Variants in SEPTIN7 observed in about 807,000 individuals in gnomAD.
SEPTIN7 encodes the protein septin-7.
Under a neutral mutation model 63.3 loss-of-function variants are expected in SEPTIN7, and 10 were observed. The ratio of observed to expected loss-of-function variants is 0.16; its 90% CI spans 0.10 to 0.27. The LOEUF (loss-of-function observed/expected upper bound fraction) is 0.27, where lower values mean the gene tolerates loss of function less well. SEPTIN7 is among the 10% of genes least tolerant of loss of function. SEPTIN7 has a pLI of 1.00. For missense variants in SEPTIN7, 310 were observed against 521.0 expected, an observed-to-expected ratio of 0.59 and a Z score of 3.94; for synonymous variants, 131 against 165.3, an observed-to-expected ratio of 0.79 and a Z score of 1.59.
At chr7:35,876,619 T>G (rs560750264) in intron 6 of SEPTIN7, among the ~76,000 whole-genome samples, 10 of 152,260 alleles carry the variant, frequency 6.6e-5, no homozygotes, top group Non-Finnish European at 1.0e-4. Flanking sequence ...GGAGGACCAT[T>G]GCTTGAGGCC....
chr7:35,856,686 G>A (rs9690709), intron 3 of SEPTIN7, among the ~76,000 whole-genome samples: 49,499 of 151,960 alleles, frequency 0.33, 8,300 homozygotes, highest in East Asian at 0.4. Flanking sequence ...GCTCTTTGAG[G>A]ATCATTTCCC....
rs542304549 is a variant in SEPTIN7 at position 35,874,226 on chromosome 7, A to G, written c.512+451A>G. 7.0e-5 allele frequency: 11 copies of G among 157,088 alleles called. No individual in the cohort carries two copies. The South Asian group carries it at 2.1e-3, about 30-fold the overall frequency. The allele number at this position is 157,088 out of a possible 1,614,324, so 9.7% of individuals were successfully genotyped here. A position where few individuals can be genotyped will look rare whatever the true frequency, so the allele number is the denominator to read the frequency against. Reference sequence around the variant, plus strand: ...ATGTTTTCTTGTGCCATTTCTTTCTACAATAAATCTATTTGGCTTCTGTTT... The same window carrying G: ...ATGTTTTCTTGTGCCATTTCTTTCTGCAATAAATCTATTTGGCTTCTGTTT... On this transcript the variant is annotated intron_variant, in intron 6 of 13. Coordinates refer to ENST00000350320, the MANE Select transcript of SEPTIN7 (RefSeq NM_001788.6).
chr7:35,830,997 G>C (rs1317811114), intron 1 of SEPTIN7, among the ~76,000 whole-genome samples: 3 of 152,130 alleles, frequency 2.0e-5, no homozygotes, highest in African/African-American at 4.8e-5. Context: ...GCATTTGTCT[G>C]ATCTGAGCTG....
chr7:35,881,739 A>T lies in SEPTIN7; in HGVS notation c.631-745A>T, dbSNP rs186173420. The stretch of plus-strand genomic sequence containing the variant: ...TAGCCATTGGTTTGTTATGGGTTCA[A>T]ATAAGGATAGGTAGTTGAAAATTAT... On this transcript the variant is annotated intron_variant, in intron 7 of 13. Coordinates refer to ENST00000350320, the MANE Select transcript of SEPTIN7 (RefSeq NM_001788.6). 1.8e-3 allele frequency among the ~76,000 whole-genome samples: 281 copies of T among 152,040 alleles called. 2 individuals are homozygous for T. Among genetic ancestry groups the T allele is most frequent in the Non-Finnish European group, 2.0e-3 (137 of 67,842 alleles).
chr7:35,876,098 G>T (rs1487229231), intron 6 of SEPTIN7, among the ~76,000 whole-genome samples: 3 of 151,996 alleles, frequency 2.0e-5, no homozygotes, highest in African/African-American at 7.2e-5. Context: ...TTTTCCTAAA[G>T]TTTAATTTTT....
At chr7:35,889,126 G>A (rs1304929555) in intron 10 of SEPTIN7, among the ~76,000 whole-genome samples, 1 of 152,194 alleles carries the variant, frequency 6.6e-6, no homozygotes, top group Non-Finnish European at 1.5e-5. Flanking sequence ...AAATGGTCAT[G>A]GTTGGAATGC....
intron 1 of SEPTIN7, among the ~76,000 whole-genome samples, chr7:35,817,975 A>T (rs999810302): frequency 6.6e-6 from 1 of 151,822 alleles, no homozygotes; most frequent in South Asian, 2.1e-4. Context: ...TACAATCTAG[A>T]TACATTTTAT....
intron 6 of SEPTIN7, among the ~76,000 whole-genome samples, chr7:35,879,110 A>G (rs1178423534): frequency 6.6e-6 from 1 of 152,212 alleles, no homozygotes; most frequent in Non-Finnish European, 1.5e-5. Flanking sequence ...TGATAGAAGT[A>G]TTTAGTCACC....
chr7:35,883,309 T>C (rs189894698), intron 8 of SEPTIN7, among the ~76,000 whole-genome samples: 27 of 152,230 alleles, frequency 1.8e-4, no homozygotes, highest in African/African-American at 6.0e-4. Context: ...TAGGCAAATA[T>C]CTTGGAATAA....
At chr7:35,895,329 A>C (rs1177481071) in intron 11 of SEPTIN7, among the ~76,000 whole-genome samples, 1 of 152,216 alleles carries the variant, frequency 6.6e-6, no homozygotes, top group East Asian at 1.9e-4. Context: ...ATAAAAATTA[A>C]AAATTTGAAA....
intron 3 of SEPTIN7, among the ~76,000 whole-genome samples, chr7:35,862,957 C>T (rs756695670): frequency 1.3e-5 from 2 of 152,038 alleles, no homozygotes; most frequent in Non-Finnish European, 2.9e-5. Context: ...TCATGTCTAC[C>T]TCCTACCTCG....
intron 3 of SEPTIN7, among the ~76,000 whole-genome samples, chr7:35,839,900 A>G (rs1291477473): frequency 6.6e-6 from 1 of 151,976 alleles, no homozygotes; most frequent in Non-Finnish European, 1.5e-5. Context: ...TTTTACCCCT[A>G]CCCTTGTTAC....
chr7:35,906,368 GTA>G lies in SEPTIN7; in HGVS notation c.*2079_*2080del, dbSNP rs1466775140. On this transcript the variant is annotated 3_prime_UTR_variant, in exon 14 of 14. Coordinates refer to ENST00000350320, the MANE Select transcript of SEPTIN7 (RefSeq NM_001788.6). Reference sequence around the variant, plus strand: ...TTTTGATTGTTGACTCCAGGCTTAGGTATATCAGAAGGTTCTTTTTGCCATTT... The same window carrying G: ...TTTTGATTGTTGACTCCAGGCTTAGGTATCAGAAGGTTCTTTTTGCCATTT... The G allele has an allele frequency of 6.6e-6, 1 of 152,150 alleles. No homozygotes were observed. Among genetic ancestry groups the G allele is most frequent in the Admixed American group, 6.5e-5 (1 of 15,282 alleles). 9.4% of individuals were successfully genotyped at this position (152,150 alleles called of 1,614,324 possible).
downstream of SEPTIN7, among the ~76,000 whole-genome samples, chr7:35,911,799 A>T (rs951486957): frequency 5.3e-5 from 8 of 152,242 alleles, no homozygotes; most frequent in Non-Finnish European, 1.2e-4. Context: ...ATAAAAAAGC[A>T]TCTAGAAAGA....
chr7:35,875,432 T>C (rs1471288711), intron 6 of SEPTIN7, among the ~76,000 whole-genome samples: 2 of 152,172 alleles, frequency 1.3e-5, no homozygotes, highest in Non-Finnish European at 2.9e-5. Context: ...TTCCATGCAG[T>C]CTAATAGATG....
intron 1 of SEPTIN7, among the ~76,000 whole-genome samples, chr7:35,815,306 A>G (rs1361705770): frequency 3.3e-5 from 5 of 152,190 alleles, no homozygotes; most frequent in Non-Finnish European, 7.3e-5. Flanking sequence ...CACTGCCTCT[A>G]GTAGATGTTT....
rs766661106 is a variant in SEPTIN7 at position 35,904,689 on chromosome 7, C to G, written c.*396C>G. ...CCATAATATGATGCAAACTGTGCTT[C>G]TCTATGATAATTACAATACAAAGGT... On this transcript the variant is annotated 3_prime_UTR_variant, in exon 14 of 14. Transcript: ENST00000350320. 6.4e-6 allele frequency: 1 copy of G among 156,206 alleles called. No individual in the cohort carries two copies. The highest frequency in any genetic ancestry group is 6.5e-5 in the Admixed American group (1 of 15,352). 9.7% of individuals were successfully genotyped at this position (156,206 alleles called of 1,614,324 possible). A position where few individuals can be genotyped will look rare whatever the true frequency, so the allele number is the denominator to read the frequency against.
intron 3 of SEPTIN7, among the ~76,000 whole-genome samples, chr7:35,839,575 A>T (rs80270464): frequency 2.6e-5 from 3 of 114,886 alleles, no homozygotes; most frequent in Admixed American, 2.6e-4. Flanking sequence ...TATTTTTGAG[A>T]CAGAGTCTTG....
intron 1 of SEPTIN7, among the ~76,000 whole-genome samples, chr7:35,807,175 C>T (rs185199668): frequency 2.0e-5 from 3 of 151,020 alleles, no homozygotes; most frequent in Admixed American, 6.6e-5. Context: ...TCTGAAATTG[C>T]TTTTTTAAAA....
Sources: gnomAD v4.1 joint callset for allele counts (sites outside exome capture counted in the v4.1 genomes callset) on GRCh38, gnomAD v4.1.1 for gene constraint, MANE v1.5 for transcripts, NCBI Gene and HGNC (gene_info 2026-07-23, HGNC 2026-07-21) for gene names.